QKI: variants seen among roughly 807,000 people sequenced by gnomAD.
The protein encoded by QKI is QKI, KH domain containing RNA binding.
A neutral mutation model predicts 39.0 loss-of-function variants in QKI; 10 were observed. That is an observed-to-expected ratio of 0.26 (90% CI 0.16 to 0.43). The LOEUF (loss-of-function observed/expected upper bound fraction) is 0.43, where lower values mean the gene tolerates loss of function less well. QKI is among the 20% of genes least tolerant of loss of function. The pLI, the probability that QKI is intolerant of heterozygous loss-of-function variation, is 1.00. For missense variants in QKI, 218 were observed against 428.0 expected, an observed-to-expected ratio of 0.51 and a Z score of 4.33; for synonymous variants, 204 against 155.4, an observed-to-expected ratio of 1.31 and a Z score of -2.33.
intron 4 of QKI, among the ~76,000 whole-genome samples, chr6:163,554,440 T>C (rs1423462361): frequency 1.3e-5 from 2 of 152,200 alleles, no homozygotes; most frequent in African/African-American, 4.8e-5. Flanking sequence ...GTTTGGAACT[T>C]AGTAACTGCC....
In QKI at chr6:163,570,852, T is replaced by A; in HGVS notation, c.*142T>A. 2 of 1,084,982 alleles carry A rather than the reference T, an allele frequency of 1.8e-6. No individual in the cohort carries two copies. Among genetic ancestry groups the A allele is most frequent in the Non-Finnish European group, 2.6e-6 (2 of 774,586 alleles). 67.2% of individuals were successfully genotyped at this position (1,084,982 alleles called of 1,614,324 possible). On this transcript the variant is annotated 3_prime_UTR_variant, in exon 8 of 8. Coordinates refer to ENST00000361752, the MANE Select transcript of QKI (RefSeq NM_006775.3). ...GCACTTGTCCGTTCGTCTTACCATC[T>A]AACCAAACAAAAGACAAAGAAATTG...
chr6:163,445,836 G>C (rs1790113236), intron 1 of QKI, among the ~76,000 whole-genome samples: 2 of 152,092 alleles, frequency 1.3e-5, no homozygotes, highest in Admixed American at 1.3e-4. Context: ...GGATGGTCTC[G>C]ATCTCCTGAC....
chr6:163,537,690 A>G (rs1423061076), intron 4 of QKI, among the ~76,000 whole-genome samples: 1 of 152,124 alleles, frequency 6.6e-6, no homozygotes, highest in East Asian at 1.9e-4. Flanking sequence ...ACTTGTTACC[A>G]TGGTCCTGAA....
chr6:163,450,779 G>A (rs1381562337), intron 1 of QKI, among the ~76,000 whole-genome samples: 1 of 152,022 alleles, frequency 6.6e-6, no homozygotes, highest in African/African-American at 2.4e-5. Context: ...GGAAATGGGA[G>A]GAGCCTAAAT....
At chr6:163,416,262 C>A in intron 1 of QKI, 1 of 255,644 alleles carries the variant, frequency 3.9e-6, no homozygotes, top group Non-Finnish European at 7.9e-6. Context: ...TGAAGAATGA[C>A]AAGAAGATTA....
intron 1 of QKI, among the ~76,000 whole-genome samples, chr6:163,419,402 A>G (rs1562412479): frequency 6.6e-6 from 1 of 152,100 alleles, no homozygotes; most frequent in African/African-American, 2.4e-5. Flanking sequence ...ATTTCTTACA[A>G]AAAGGTTTTC....
At chr6:163,497,639 T>TTA (rs573888885) in intron 3 of QKI, among the ~76,000 whole-genome samples, 1 of 148,412 alleles carries the variant, frequency 6.7e-6, no homozygotes, top group South Asian at 2.1e-4. Flanking sequence ...TATTGTTTGT[T>TTA]AAAAAAAAAA....
At chr6:163,488,541 A>G (rs1777829699) in intron 3 of QKI, among the ~76,000 whole-genome samples, 1 of 152,168 alleles carries the variant, frequency 6.6e-6, no homozygotes, top group Non-Finnish European at 1.5e-5. Flanking sequence ...TAGTGACACA[A>G]AATAATGATT....
chr6:163,496,539 C>A (rs1369191611), intron 3 of QKI, among the ~76,000 whole-genome samples: 1 of 152,142 alleles, frequency 6.6e-6, no homozygotes, highest in Non-Finnish European at 1.5e-5. Flanking sequence ...CCGCCCTTTT[C>A]TCTTTTCAGC....
intron 3 of QKI, among the ~76,000 whole-genome samples, chr6:163,520,228 GAT>G (rs1780065049): frequency 6.6e-6 from 1 of 152,120 alleles, no homozygotes; most frequent in Non-Finnish European, 1.5e-5. Context: ...TTCTCTGAGA[GAT>G]TACTGTTTTC....
intron 3 of QKI, 102 bp downstream of exon 3, chr6:163,478,998 A>G: frequency 9.8e-7 from 1 of 1,022,024 alleles, no homozygotes; most frequent in Non-Finnish European, 1.4e-6. Flanking sequence ...AAAACACTAT[A>G]TTCCAGGCCG....
Position 163,574,625 on chromosome 6 carries a change from A to G in QKI, c.*3915A>G, listed in dbSNP as rs1783880942. 6.6e-6 allele frequency: 1 copy of G among 152,228 alleles called. No individual in the cohort carries two copies. The highest frequency in any genetic ancestry group is 2.4e-5 in the African/African-American group (1 of 41,468). 9.4% of individuals were successfully genotyped at this position (152,228 alleles called of 1,614,324 possible). On this transcript the variant is annotated 3_prime_UTR_variant, in exon 8 of 8. Coordinates refer to ENST00000361752, the MANE Select transcript of QKI (RefSeq NM_006775.3). The stretch of plus-strand genomic sequence containing the variant: ...TGATTAATTTCTTGCATGCAAATCA[A>G]TTTAAGATTTCTTAAATATCTTCAT...
intron 6 of QKI, chr6:163,566,512 C>T: frequency 7.2e-7 from 1 of 1,388,824 alleles, no homozygotes; most frequent in Non-Finnish European, 9.3e-7. Context: ...AGGTTAAGGC[C>T]CAAGATGTTT....
At chr6:163,563,303 T>G in intron 5 of QKI, 117 bp from the exon 6 acceptor site, 2 of 974,546 alleles carry the variant, frequency 2.1e-6, no homozygotes, top group Admixed American at 2.8e-5. Flanking sequence ...TACTAATGAT[T>G]TCCTTTTATT....
rs1401321998 is a variant in QKI at position 163,567,650 on chromosome 6, G to A, written c.1009+855G>A. Reference sequence around the variant, plus strand: ...AATTATTTTTGCTTATTGAGGAATGGTATTTTCGGTTTATTGACATTGAAT... The same window carrying A: ...AATTATTTTTGCTTATTGAGGAATGATATTTTCGGTTTATTGACATTGAAT... On this transcript the variant is annotated intron_variant, in intron 7 of 7. Transcript: ENST00000361752. 15 of 984,844 alleles carry A rather than the reference G, an allele frequency of 1.5e-5. No homozygotes were observed. In the Admixed American group the frequency reaches 8.6e-4, roughly 57 times the overall value. The allele number at this position is 984,844 out of a possible 1,614,324, so 61.0% of individuals were successfully genotyped here.
At chr6:163,564,170 G>T in intron 6 of QKI, 1 of 1,020,816 alleles carries the variant, frequency 9.8e-7, no homozygotes, top group Non-Finnish European at 1.2e-6. Context: ...TCATATTATT[G>T]TGTGTGTTTT....
intron 3 of QKI, among the ~76,000 whole-genome samples, chr6:163,526,612 A>G (rs950606206): frequency 7.9e-5 from 12 of 152,206 alleles, no homozygotes; most frequent in African/African-American, 2.9e-4. Flanking sequence ...TGCCAGCTTT[A>G]AAGTTGTTGG....
chr6:163,531,796 G>A (rs930181227), intron 3 of QKI, among the ~76,000 whole-genome samples: 1 of 152,174 alleles, frequency 6.6e-6, no homozygotes, highest in African/African-American at 2.4e-5. Flanking sequence ...ATGAGCCACT[G>A]TGCCCGGCTG....
At chr6:163,447,355 G>T (rs186711214) in intron 1 of QKI, among the ~76,000 whole-genome samples, 28 of 151,350 alleles carry the variant, frequency 1.9e-4, no homozygotes, top group Admixed American at 3.3e-4. Flanking sequence ...GTATGTTGGG[G>T]ATAATTCAAG....
Sources: allele counts gnomAD v4.1 joint callset (sites outside exome capture counted in the v4.1 genomes callset), GRCh38; gene constraint gnomAD v4.1.1; transcripts MANE v1.5; gene names NCBI Gene and HGNC (gene_info 2026-07-23, HGNC 2026-07-21).